Variants in PTPRT observed in about 807,000 individuals in gnomAD.
The protein encoded by PTPRT is receptor-type tyrosine-protein phosphatase T.
PTPRT carries 56 observed loss-of-function variants against 176.8 expected under a neutral mutation model. The ratio of observed to expected loss-of-function variants is 0.32; its 90% CI spans 0.26 to 0.40. The LOEUF is 0.40. Among genes scored for constraint, PTPRT ranks in the 10% least tolerant of loss-of-function variants. The pLI, the probability that PTPRT is intolerant of heterozygous loss-of-function variation, is 1.00. For missense variants in PTPRT, 1,540 were observed against 1,908.2 expected (o/e 0.81, Z 3.60); for synonymous variants, 783 against 739.0 (o/e 1.06, Z -0.96).
At chr20:42,395,692 T>C (rs2058842115) in intron 9 of PTPRT, among the ~76,000 whole-genome samples, 1 of 152,182 alleles carries the variant, frequency 6.6e-6, no homozygotes, top group African/African-American at 2.4e-5. Context: ...GACCTCTCTG[T>C]TGCTGCATCT....
chr20:42,691,293 G>A (rs1386579840), intron 6 of PTPRT, among the ~76,000 whole-genome samples: 1 of 152,226 alleles, frequency 6.6e-6, no homozygotes, highest in Non-Finnish European at 1.5e-5. Context: ...GCAATTCAGG[G>A]CAACCTGAGT....
At chr20:42,400,269 C>CT (rs1212099594) in intron 9 of PTPRT, among the ~76,000 whole-genome samples, 3 of 152,046 alleles carry the variant, frequency 2.0e-5, no homozygotes, top group East Asian at 1.9e-4. Flanking sequence ...TTCCATATGA[C>CT]TTTTTTTTCA....
At chr20:42,265,812 T>TG (rs1290947489) in intron 13 of PTPRT, among the ~76,000 whole-genome samples, 1 of 152,174 alleles carries the variant, frequency 6.6e-6, no homozygotes, top group African/African-American at 2.4e-5. Flanking sequence ...CATCTTCTCT[T>TG]GGCCCACATA....
chr20:42,607,096 GA>G (rs2073891074), intron 7 of PTPRT, among the ~76,000 whole-genome samples: 2 of 152,252 alleles, frequency 1.3e-5, no homozygotes, highest in Non-Finnish European at 2.9e-5. Context: ...CGCAAAAAGA[GA>G]AATATTATAT....
At chr20:43,143,672 A>G (rs572227531) in intron 1 of PTPRT, among the ~76,000 whole-genome samples, 15 of 152,230 alleles carry the variant, frequency 9.9e-5, no homozygotes, top group Non-Finnish European at 2.1e-4. Context: ...AGGAAAGGGT[A>G]CTGGGATTCC....
intron 1 of PTPRT, among the ~76,000 whole-genome samples, chr20:43,047,406 A>G (rs1365197103): frequency 6.6e-6 from 1 of 152,156 alleles, no homozygotes; most frequent in Non-Finnish European, 1.5e-5. Flanking sequence ...CTATTAGCTT[A>G]TTGGGCAAAG....
At chr20:42,809,404 G>A (rs2077662073) in intron 2 of PTPRT, among the ~76,000 whole-genome samples, 1 of 152,214 alleles carries the variant, frequency 6.6e-6, no homozygotes, top group Admixed American at 6.5e-5. Flanking sequence ...ATTTGGGTGA[G>A]AAGGGCACTG....
intron 27 of PTPRT, among the ~76,000 whole-genome samples, chr20:42,097,364 C>T (rs145415478): frequency 2.6e-5 from 4 of 152,330 alleles, no homozygotes; most frequent in African/African-American, 7.2e-5. Context: ...TCCCCTGCCT[C>T]GCCTTTGCCT....
At position 42,080,682 on chromosome 20, in the gene PTPRT, G is replaced by C. The variant is rs1983234779; in HGVS notation, c.*197C>G. The C allele has an allele frequency of 2.2e-6, 1 of 458,294 alleles. No homozygotes were observed. Among genetic ancestry groups the C allele is most frequent in the Admixed American group, 3.7e-5 (1 of 27,204 alleles). The allele number at this position is 458,294 out of a possible 1,614,324, so 28.4% of individuals were successfully genotyped here. Reference sequence around the variant, plus strand: ...TTGAAAAGGAAGCCTGGGCCTTTTGGAGCAGCATCTCCCACGGCAACAGGA... The same window carrying C: ...TTGAAAAGGAAGCCTGGGCCTTTTGCAGCAGCATCTCCCACGGCAACAGGA... On this transcript the variant is annotated 3_prime_UTR_variant, in exon 31 of 31. Coordinates refer to ENST00000373187, the MANE Select transcript of PTPRT (RefSeq NM_007050.6).
intron 1 of PTPRT, among the ~76,000 whole-genome samples, chr20:43,118,869 C>G (rs933879610): frequency 4.6e-5 from 7 of 152,142 alleles, no homozygotes; most frequent in Non-Finnish European, 8.8e-5. Flanking sequence ...CAGTAGTTTT[C>G]AAGAATCATA....
At chr20:43,142,481 G>C (rs148568675) in intron 1 of PTPRT, among the ~76,000 whole-genome samples, 125 of 152,330 alleles carry the variant, frequency 8.2e-4, no homozygotes, top group African/African-American at 2.9e-3. Flanking sequence ...GTCTTTCCTG[G>C]GGAAACAGCC....
chr20:43,106,711 G>A (rs2012629200), intron 1 of PTPRT, among the ~76,000 whole-genome samples: 1 of 137,812 alleles, frequency 7.3e-6, no homozygotes, highest in Non-Finnish European at 1.6e-5. Context: ...AAGGAAAGAA[G>A]GAAGGGAGGG....
At chr20:42,249,487 A>G (rs1393460190) in intron 13 of PTPRT, among the ~76,000 whole-genome samples, 2 of 152,190 alleles carry the variant, frequency 1.3e-5, no homozygotes, top group South Asian at 2.1e-4. Context: ...GTCACTGGCC[A>G]CTTACTATAC....
intron 1 of PTPRT, among the ~76,000 whole-genome samples, chr20:43,036,010 G>A (rs1274259209): frequency 6.6e-6 from 1 of 152,096 alleles, no homozygotes; most frequent in Non-Finnish European, 1.5e-5. Flanking sequence ...TCATTCCCCT[G>A]GGCACCAGGG....
At chr20:42,193,311 C>T (rs539850499) in intron 16 of PTPRT, among the ~76,000 whole-genome samples, 1 of 152,362 alleles carries the variant, frequency 6.6e-6, no homozygotes, top group African/African-American at 2.4e-5. Flanking sequence ...CATGCCAGTA[C>T]CTGGCCCCAG....
At chr20:42,812,320 C>A (rs1449556596) in intron 2 of PTPRT, among the ~76,000 whole-genome samples, 3 of 152,024 alleles carry the variant, frequency 2.0e-5, no homozygotes, top group Non-Finnish European at 2.9e-5. Context: ...GGAACCATCA[C>A]CATTATTTAT....
At chr20:43,126,504 T>C (rs1388814860) in intron 1 of PTPRT, among the ~76,000 whole-genome samples, 1 of 152,226 alleles carries the variant, frequency 6.6e-6, no homozygotes. Context: ...GAACAATCCC[T>C]GCACTGCTAT....
At chr20:42,872,789 C>T (rs979790506) in intron 2 of PTPRT, among the ~76,000 whole-genome samples, 1 of 152,136 alleles carries the variant, frequency 6.6e-6, no homozygotes, top group African/African-American at 2.4e-5. Flanking sequence ...GGACAGAATC[C>T]AGGACTCCTT....
chr20:42,085,221 G>A (rs1283887804), intron 28 of PTPRT, among the ~76,000 whole-genome samples: 2 of 152,122 alleles, frequency 1.3e-5, no homozygotes, highest in Non-Finnish European at 1.5e-5. Context: ...GGTAGGGGAG[G>A]TGCTGAGCTC....
Sources: allele counts gnomAD v4.1 joint callset (sites outside exome capture counted in the v4.1 genomes callset), GRCh38; gene constraint gnomAD v4.1.1; transcripts MANE v1.5; gene names NCBI Gene and HGNC (gene_info 2026-07-23, HGNC 2026-07-21).